Variants in NCKAP5 observed in about 807,000 individuals in gnomAD.
NCKAP5 encodes NCK associated protein 5, also known as nck-associated protein 5.
In NCKAP5, 92 loss-of-function variants were observed where a neutral mutation model predicts 167.0. That is an observed-to-expected ratio of 0.55 (90% confidence interval 0.47 to 0.66). The LOEUF is 0.66. NCKAP5 is among the 30% of genes least tolerant of loss of function. The pLI is 0.00. For missense variants in NCKAP5, 2,378 were observed against 2,315.0 expected, an observed-to-expected ratio of 1.03 and a Z score of -0.56; for synonymous variants, 891 against 877.4, an observed-to-expected ratio of 1.02 and a Z score of -0.27.
At chr2:133,590,439 G>A in the NCKAP5 span, among the ~76,000 whole-genome samples, 3 of 150,496 alleles carry the variant, frequency 2.0e-5, no homozygotes, top group Non-Finnish European at 4.4e-5. Context: ...CAGGAGAATG[G>A]CGTGAACCCG....
the NCKAP5 span, among the ~76,000 whole-genome samples, chr2:133,631,512 C>T: frequency 6.6e-6 from 1 of 152,256 alleles, no homozygotes. Context: ...GGCCATGTAC[C>T]TTCAAATCAT....
intron 6 of NCKAP5, among the ~76,000 whole-genome samples, chr2:133,023,495 G>T (rs941473939): frequency 6.6e-6 from 1 of 152,084 alleles, no homozygotes; most frequent in Non-Finnish European, 1.5e-5. Context: ...GTACAGATTT[G>T]TTACATGGGT....
chr2:132,785,093 A>G lies in NCKAP5; in HGVS notation c.1718T>C (p.Met573Thr). 2 of 1,614,088 alleles carry G rather than the reference A, an allele frequency of 1.2e-6. No individual in the cohort carries two copies. Among genetic ancestry groups the G allele is most frequent in the Non-Finnish European group, 1.7e-6 (2 of 1,179,910 alleles). ...RGPQGQGHGRMALNLQLSDTD... is the reference protein window; with the variant it reads ...RGPQGQGHGRTALNLQLSDTD... ...GTCTGAAAGCTGGAGGTTGAGAGCC[A>G]TGCGGCCATGGCCTTGGCCCTGTGG... Residue 573 changes from methionine to threonine, a missense_variant, in exon 14 of 20, where the codon ATG becomes ACG. Around this residue, in one of 3 missense-constraint regions of NCKAP5, gnomAD observed 1,049 missense variants for 1,023.4 expected, o/e 1.02. Coordinates refer to ENST00000409261, the MANE Select transcript of NCKAP5 (RefSeq NM_207363.3).
intron 8 of NCKAP5, among the ~76,000 whole-genome samples, chr2:132,895,222 TC>T (rs1450518567): frequency 6.6e-6 from 1 of 151,628 alleles, no homozygotes; most frequent in Non-Finnish European, 1.5e-5. Flanking sequence ...TCCCAGCTAC[TC>T]TGGAGGCTGA....
the NCKAP5 span, among the ~76,000 whole-genome samples, chr2:133,587,195 G>T: frequency 6.6e-6 from 1 of 152,072 alleles, no homozygotes; most frequent in African/African-American, 2.4e-5. Flanking sequence ...AGCATGAGAG[G>T]CCGGGAGCCA....
chr2:132,776,517 A>G (rs1682564603), intron 15 of NCKAP5, among the ~76,000 whole-genome samples: 2 of 152,166 alleles, frequency 1.3e-5, no homozygotes, highest in Admixed American at 1.3e-4. Flanking sequence ...TGGCTCTTTC[A>G]GCTCTCCTGG....
chr2:132,964,249 C>T (rs148416273), intron 7 of NCKAP5, among the ~76,000 whole-genome samples: 1 of 152,188 alleles, frequency 6.6e-6, no homozygotes, highest in Admixed American at 6.5e-5. Flanking sequence ...CATAGCTCCT[C>T]AAGATAGGGT....
At chr2:132,885,420 T>C (rs1177326814) in intron 8 of NCKAP5, among the ~76,000 whole-genome samples, 1 of 152,218 alleles carries the variant, frequency 6.6e-6, no homozygotes, top group African/African-American at 2.4e-5. Context: ...AGTTAGAGCA[T>C]TCAAGTAAAT....
At position 133,290,683 on chromosome 2, in the gene NCKAP5, G is replaced by T. The variant is rs76296322; in HGVS notation, c.143+12354C>A. ...TTTCTTGCATGGACTTACAGATAAA[G>T]GTGGTCTCATCCCTAATGAACATAT... On this transcript the variant is annotated intron_variant, in intron 4 of 19. Transcript: ENST00000409261. Among the ~76,000 whole-genome samples the T allele has an allele frequency of 1.1e-3, 158 of 149,794 alleles. 2 individuals carry two copies. In the East Asian group the frequency reaches 0.027, roughly 26 times the overall value.
chr2:133,182,367 T>C (rs899248434), intron 5 of NCKAP5, among the ~76,000 whole-genome samples: 1 of 152,158 alleles, frequency 6.6e-6, no homozygotes, highest in Admixed American at 6.6e-5. Context: ...TTTGCCAAGA[T>C]AGACCATATC....
At chr2:132,715,520 A>G (rs890751987) in intron 19 of NCKAP5, among the ~76,000 whole-genome samples, 1 of 152,152 alleles carries the variant, frequency 6.6e-6, no homozygotes, top group African/African-American at 2.4e-5. Context: ...CACTAGAGCA[A>G]CGTGAGGATT....
intron 4 of NCKAP5, among the ~76,000 whole-genome samples, chr2:133,256,598 T>C (rs2088630569): frequency 6.6e-6 from 1 of 152,192 alleles, no homozygotes; most frequent in Admixed American, 6.5e-5. Context: ...AAAAAATAGA[T>C]AAATGTAAAA....
chr2:132,881,863 C>T (rs1414576682), intron 8 of NCKAP5, among the ~76,000 whole-genome samples: 1 of 152,144 alleles, frequency 6.6e-6, no homozygotes, highest in Non-Finnish European at 1.5e-5. Flanking sequence ...TATCCTATTG[C>T]TCATCAATCT....
intron 5 of NCKAP5, among the ~76,000 whole-genome samples, chr2:133,195,846 A>G (rs1003705776): frequency 6.6e-5 from 10 of 152,170 alleles, no homozygotes; most frequent in African/African-American, 2.4e-4. Context: ...TCAGGAAAAC[A>G]TGGTTACCAC....
intron 4 of NCKAP5, among the ~76,000 whole-genome samples, chr2:133,229,475 ATT>A (rs748050591): frequency 1.3e-5 from 2 of 152,186 alleles, no homozygotes; most frequent in Non-Finnish European, 2.9e-5. Context: ...CTTTGAACAT[ATT>A]TTGTTTACAT....
intron 3 of NCKAP5, among the ~76,000 whole-genome samples, chr2:133,385,960 G>A (rs1386483596): frequency 6.6e-6 from 1 of 151,558 alleles, no homozygotes; most frequent in Non-Finnish European, 1.5e-5. Context: ...AGTCTTGTTA[G>A]CGGTCAATCA....
At chr2:132,962,025 G>T (rs2076527929) in intron 8 of NCKAP5, among the ~76,000 whole-genome samples, 1 of 152,160 alleles carries the variant, frequency 6.6e-6, no homozygotes, top group African/African-American at 2.4e-5. Flanking sequence ...AGACAAGGGT[G>T]ATTCCTAGCT....
upstream of NCKAP5, among the ~76,000 whole-genome samples, chr2:133,570,649 T>C (rs748776992): frequency 6.6e-6 from 1 of 152,232 alleles, no homozygotes; most frequent in African/African-American, 2.4e-5. Context: ...ACCTTTTCCT[T>C]GTGCAATCCT....
At chr2:132,929,224 G>A (rs1312439973) in intron 8 of NCKAP5, among the ~76,000 whole-genome samples, 5 of 151,938 alleles carry the variant, frequency 3.3e-5, no homozygotes, top group Non-Finnish European at 4.4e-5. Flanking sequence ...AGAAAAAAAT[G>A]TTTATTGTTT....
Sources: allele counts gnomAD v4.1 joint callset (sites outside exome capture counted in the v4.1 genomes callset), GRCh38; gene constraint gnomAD v4.1.1; regional missense constraint gnomAD v4.1.1; transcripts MANE v1.5; gene names NCBI Gene and HGNC (gene_info 2026-07-23, HGNC 2026-07-21).